ENTREP2: variants seen among roughly 807,000 people sequenced by gnomAD.
The protein encoded by ENTREP2 is endosomal transmembrane epsin interactor 2, also known as protein ENTREP2.
chr15:29,551,924 C>A, the ENTREP2 span, among the ~76,000 whole-genome samples: 2 of 152,000 alleles, frequency 1.3e-5, no homozygotes, highest in African/African-American at 4.8e-5. Context: ...TAGCATTTTC[C>A]CCAAAACCTT....
chr15:29,439,501 G>A, the ENTREP2 span, among the ~76,000 whole-genome samples: 1 of 152,054 alleles, frequency 6.6e-6, no homozygotes, highest in African/African-American at 2.4e-5. Context: ...TGGAGGAAGA[G>A]ACCAATTTTC....
the ENTREP2 span, among the ~76,000 whole-genome samples, chr15:29,289,425 G>A: frequency 6.6e-6 from 1 of 152,054 alleles, no homozygotes; most frequent in Non-Finnish European, 1.5e-5. Flanking sequence ...GGGTGATAAT[G>A]GGGAAAAACA....
the ENTREP2 span, among the ~76,000 whole-genome samples, chr15:29,212,298 T>C: frequency 6.6e-6 from 1 of 152,312 alleles, no homozygotes; most frequent in South Asian, 2.1e-4. Context: ...TGATCTTTTG[T>C]GTTTCAGTGG....
the ENTREP2 span, among the ~76,000 whole-genome samples, chr15:29,162,023 C>T: frequency 2.6e-5 from 4 of 152,168 alleles, no homozygotes; most frequent in African/African-American, 9.7e-5. Context: ...GGAGAGCATC[C>T]TCTCCCAAAC....
At chr15:29,652,507 C>T in the ENTREP2 span, among the ~76,000 whole-genome samples, 1 of 152,224 alleles carries the variant, frequency 6.6e-6, no homozygotes, top group African/African-American at 2.4e-5. Context: ...CTCCACATTG[C>T]AGGTGAAGAG....
the ENTREP2 span, among the ~76,000 whole-genome samples, chr15:29,240,060 T>C: frequency 1.5e-4 from 23 of 152,344 alleles, no homozygotes; most frequent in African/African-American, 3.4e-4. Flanking sequence ...CCAAAAAGCA[T>C]GTGTTGAAAA....
chr15:29,410,167 A>G, the ENTREP2 span, among the ~76,000 whole-genome samples: 1 of 152,118 alleles, frequency 6.6e-6, no homozygotes, highest in Non-Finnish European at 1.5e-5. Context: ...CCCTACCTAG[A>G]TGCTTGTGGA....
chr15:29,354,918 T>C, the ENTREP2 span, among the ~76,000 whole-genome samples: 1 of 152,216 alleles, frequency 6.6e-6, no homozygotes, highest in African/African-American at 2.4e-5. Context: ...AGATCCACCA[T>C]ACACCTTTAC....
the ENTREP2 span, among the ~76,000 whole-genome samples, chr15:29,409,838 G>A: frequency 6.6e-6 from 1 of 152,082 alleles, no homozygotes; most frequent in Non-Finnish European, 1.5e-5. Context: ...CATTAGTTCT[G>A]CTTAGCCATG....
At chr15:29,128,706 GAA>G in the ENTREP2 span, 4 of 1,018,854 alleles carry the variant, frequency 3.9e-6, no homozygotes, top group Non-Finnish European at 6.0e-6. Flanking sequence ...GAAGAGAAGA[GAA>G]GAGAATAGGA....
At chr15:29,657,675 G>A in the ENTREP2 span, among the ~76,000 whole-genome samples, 16 of 152,008 alleles carry the variant, frequency 1.1e-4, no homozygotes, top group Admixed American at 3.3e-4. Context: ...ACAGAGCGCC[G>A]ATTGGTGCAT....
chr15:29,439,774 C>T, the ENTREP2 span, among the ~76,000 whole-genome samples: 5 of 152,186 alleles, frequency 3.3e-5, no homozygotes, highest in Admixed American at 6.5e-5. Context: ...TAATCCTCCT[C>T]CTCTTGAGTG....
At chr15:29,574,801 T>C in the ENTREP2 span, among the ~76,000 whole-genome samples, 1 of 152,190 alleles carries the variant, frequency 6.6e-6, no homozygotes, top group East Asian at 1.9e-4. Context: ...TAGCCTCTCT[T>C]ACGCAGTAGA....
At chr15:29,191,272 GCTAA>G in the ENTREP2 span, among the ~76,000 whole-genome samples, 1 of 152,122 alleles carries the variant, frequency 6.6e-6, no homozygotes, top group African/African-American at 2.4e-5. Context: ...TCTTAATTAT[GCTAA>G]CTATTTAAAT....
At chr15:29,454,612 A>G in the ENTREP2 span, among the ~76,000 whole-genome samples, 12 of 152,190 alleles carry the variant, frequency 7.9e-5, no homozygotes, top group Non-Finnish European at 1.6e-4. Context: ...ACACAGCCTC[A>G]GAGATGGCCC....
chr15:29,480,338 CAAAAAAAAAAAAAAAAAA>C, the ENTREP2 span, among the ~76,000 whole-genome samples: 1 of 29,416 alleles, frequency 3.4e-5, no homozygotes, highest in Non-Finnish European at 6.8e-5. Flanking sequence ...TTCACTATAG[CAAAAAAAAAAAAAAAAAA>C]AAAAAAAAAA....
the ENTREP2 span, among the ~76,000 whole-genome samples, chr15:29,284,073 G>GAC: frequency 2.6e-5 from 4 of 152,120 alleles, no homozygotes; most frequent in Non-Finnish European, 5.9e-5. Flanking sequence ...AATAGGAGTT[G>GAC]AGGGAGAAAA....
chr15:29,340,158 G>A, the ENTREP2 span, among the ~76,000 whole-genome samples: 1 of 152,200 alleles, frequency 6.6e-6, no homozygotes, highest in East Asian at 1.9e-4. Context: ...AGAGAAAACT[G>A]CAAAATGGCC....
At chr15:29,495,003 C>T in the ENTREP2 span, among the ~76,000 whole-genome samples, 1 of 152,138 alleles carries the variant, frequency 6.6e-6, no homozygotes, top group African/African-American at 2.4e-5. Flanking sequence ...CTGCAGTGTA[C>T]ATGGGGGTGT....
Sources: gnomAD v4.1 joint callset for allele counts (sites outside exome capture counted in the v4.1 genomes callset) on GRCh38, gnomAD v4.1.1 for gene constraint, MANE v1.5 for transcripts, NCBI Gene and HGNC (gene_info 2026-07-23, HGNC 2026-07-21) for gene names.